Variants in BACH2 observed in about 807,000 individuals in gnomAD.
BACH2 encodes BACH transcriptional regulator 2.
A neutral mutation model predicts 61.8 loss-of-function variants in BACH2; 5 were observed. That is an observed-to-expected ratio of 0.08 (90% CI 0.04 to 0.17). The LOEUF is 0.17. Ranked by LOEUF, BACH2 falls within the 10% of genes least tolerant of loss-of-function variation. The pLI, the probability that BACH2 is intolerant of heterozygous loss-of-function variation, is 1.00. For synonymous variants in BACH2, 446 were observed against 440.1 expected, an observed-to-expected ratio of 1.01 and a Z score of -0.17; for missense variants, 824 against 1,091.1, an observed-to-expected ratio of 0.76 and a Z score of 3.45.
intron 4 of BACH2, chr6:90,116,863 T>C: frequency 1.6e-6 from 1 of 628,220 alleles, no homozygotes; most frequent in South Asian, 3.3e-5. Flanking sequence ...CTTTGATATT[T>C]GATAGATGCC....
In BACH2 at chr6:90,040,122, G is replaced by A. The variant is rs117043902; in HGVS notation, c.-12-31266C>T. On this transcript the variant is annotated intron_variant, in intron 5 of 8. Transcript: ENST00000257749. ...TTCATTTTATGACTTTCCCTTTGTG[G>A]TTTCTGGATTTTTGTCATACTTTGA... 5.2e-3 allele frequency among the ~76,000 whole-genome samples: 787 copies of A among 151,198 alleles called. 49 individuals are homozygous for A. The East Asian group carries it at 0.14, about 26-fold the overall frequency.
At chr6:90,141,604 AAAC>A (rs1357937978) in intron 4 of BACH2, among the ~76,000 whole-genome samples, 7 of 152,278 alleles carry the variant, frequency 4.6e-5, no homozygotes, top group South Asian at 4.1e-4. Flanking sequence ...TAACAAAACA[AAAC>A]AACAATAACA....
intron 1 of BACH2, among the ~76,000 whole-genome samples, chr6:90,289,129 A>G (rs1562544560): frequency 6.6e-6 from 1 of 152,266 alleles, no homozygotes; most frequent in Non-Finnish European, 1.5e-5. Flanking sequence ...ACTTTAAGAT[A>G]GATGTCAACA....
chr6:89,992,907 T>A (rs1389699727), intron 6 of BACH2, among the ~76,000 whole-genome samples: 1 of 152,224 alleles, frequency 6.6e-6, no homozygotes, highest in Non-Finnish European at 1.5e-5. Context: ...TATGATTCTA[T>A]TTGGAGGCAG....
intron 4 of BACH2, among the ~76,000 whole-genome samples, chr6:90,158,122 T>C (rs1462150233): frequency 1.3e-5 from 2 of 151,982 alleles, no homozygotes; most frequent in Non-Finnish European, 2.9e-5. Context: ...GGATGGGGTA[T>C]GGCACATTCA....
At chr6:90,212,298 C>T (rs1769381639) in intron 3 of BACH2, among the ~76,000 whole-genome samples, 1 of 152,148 alleles carries the variant, frequency 6.6e-6, no homozygotes, top group Non-Finnish European at 1.5e-5. Flanking sequence ...AAACTAGACT[C>T]CTGCCCCCTT....
intron 2 of BACH2, among the ~76,000 whole-genome samples, chr6:90,256,347 G>A (rs1770978461): frequency 6.6e-6 from 1 of 152,166 alleles, no homozygotes; most frequent in African/African-American, 2.4e-5. Flanking sequence ...TAATTTCTAT[G>A]CTAATTTCTA....
chr6:90,095,312 C>A (rs1050569381), intron 4 of BACH2, among the ~76,000 whole-genome samples: 5 of 151,686 alleles, frequency 3.3e-5, no homozygotes, highest in Non-Finnish European at 5.9e-5. Flanking sequence ...AACCACAGAT[C>A]TTGTGGCTTT....
At chr6:90,199,118 A>G (rs1369543493) in intron 4 of BACH2, among the ~76,000 whole-genome samples, 1 of 152,200 alleles carries the variant, frequency 6.6e-6, no homozygotes, top group Non-Finnish European at 1.5e-5. Flanking sequence ...ACCCAGTCTC[A>G]GGTATGTCTT....
chr6:90,232,964 C>G (rs1770146247), intron 3 of BACH2, among the ~76,000 whole-genome samples: 1 of 152,170 alleles, frequency 6.6e-6, no homozygotes, highest in South Asian at 2.1e-4. Flanking sequence ...TATTATTCAA[C>G]AGATAGCCTT....
chr6:90,030,773 G>A (rs1361273940), intron 5 of BACH2, among the ~76,000 whole-genome samples: 1 of 151,866 alleles, frequency 6.6e-6, no homozygotes, highest in Non-Finnish European at 1.5e-5. Flanking sequence ...TCTACCAGAG[G>A]TACAAGGAGG....
chr6:90,212,173 C>G (rs1188223066), intron 3 of BACH2, among the ~76,000 whole-genome samples: 1 of 152,180 alleles, frequency 6.6e-6, no homozygotes, highest in African/African-American at 2.4e-5. Flanking sequence ...TCTGGACAAT[C>G]TTCAACTGGA....
intron 6 of BACH2, among the ~76,000 whole-genome samples, chr6:90,007,222 A>T (rs970790559): frequency 6.6e-6 from 1 of 152,046 alleles, no homozygotes; most frequent in African/African-American, 2.4e-5. Context: ...TTATAGGCAC[A>T]CACCACCATG....
intron 3 of BACH2, among the ~76,000 whole-genome samples, chr6:90,240,469 T>C (rs1770413806): frequency 6.6e-6 from 1 of 152,200 alleles, no homozygotes; most frequent in African/African-American, 2.4e-5. Flanking sequence ...TCATGATGTA[T>C]TTCATTAAAT....
chr6:90,230,690 T>A (rs1454741156), intron 3 of BACH2, among the ~76,000 whole-genome samples: 1 of 152,190 alleles, frequency 6.6e-6, no homozygotes, highest in Non-Finnish European at 1.5e-5. Flanking sequence ...GATGGGAATG[T>A]GGGCTTAATG....
chr6:90,100,696 C>T (rs1348580620), intron 4 of BACH2, among the ~76,000 whole-genome samples: 2 of 129,892 alleles, frequency 1.5e-5, no homozygotes, highest in Non-Finnish European at 3.3e-5. Flanking sequence ...TACACACACA[C>T]ACACAGACAC....
At chr6:90,246,578 CA>C (rs897600524) in intron 3 of BACH2, among the ~76,000 whole-genome samples, 2 of 148,954 alleles carry the variant, frequency 1.3e-5, no homozygotes, top group African/African-American at 2.5e-5. Context: ...TACAAACTGG[CA>C]AAAAAAAATC....
chr6:90,182,782 G>A (rs958406416), intron 4 of BACH2, among the ~76,000 whole-genome samples: 17 of 152,106 alleles, frequency 1.1e-4, no homozygotes, highest in Non-Finnish European at 2.1e-4. Context: ...CCAGGAAAGA[G>A]GCTACACCTC....
intron 5 of BACH2, among the ~76,000 whole-genome samples, chr6:90,054,180 CG>C (rs1780199979): frequency 6.6e-6 from 1 of 152,052 alleles, no homozygotes; most frequent in African/African-American, 2.4e-5. Flanking sequence ...TCGCCTCACT[CG>C]GGAAGTGCAA....
Sources: gnomAD v4.1 joint callset for allele counts (sites outside exome capture counted in the v4.1 genomes callset) on GRCh38, gnomAD v4.1.1 for gene constraint, MANE v1.5 for transcripts, NCBI Gene and HGNC (gene_info 2026-07-23, HGNC 2026-07-21) for gene names.